The following CNGA1 variants were observed in gnomAD, a reference collection of about 807,000 sequenced individuals.
CNGA1 encodes the protein cyclic nucleotide-gated channel alpha-1.
CNGA1 carries 53 observed loss-of-function variants against 69.7 expected under a neutral mutation model. The ratio of observed to expected loss-of-function variants is 0.76; its 90% CI spans 0.61 to 0.96. CNGA1 has a LOEUF of 0.96. Among genes scored for constraint, CNGA1 ranks in the 40% least tolerant of loss-of-function variants. CNGA1 has a pLI of 0.00. For missense variants in CNGA1, 739 were observed against 811.2 expected, an observed-to-expected ratio of 0.91 and a Z score of 1.08; for synonymous variants, 249 against 283.5, an observed-to-expected ratio of 0.88 and a Z score of 1.22.
chr4:47,954,076 T>A (rs986989027), intron 3 of CNGA1, among the ~76,000 whole-genome samples: 2 of 150,974 alleles, frequency 1.3e-5, no homozygotes, highest in African/African-American at 4.9e-5. Context: ...AGGAACAGAG[T>A]GGCAGAGAAT....
At chr4:47,984,857 T>C (rs896531300) in intron 2 of CNGA1, among the ~76,000 whole-genome samples, 1 of 152,098 alleles carries the variant, frequency 6.6e-6, no homozygotes, top group African/African-American at 2.4e-5. Flanking sequence ...CTTCAGAAAA[T>C]GACTGCCTGT....
chr4:48,010,277 T>G (rs1335593937), intron 2 of CNGA1, among the ~76,000 whole-genome samples: 1 of 152,260 alleles, frequency 6.6e-6, no homozygotes, highest in Non-Finnish European at 1.5e-5. Context: ...AGGGACTATT[T>G]ATTTTTTAAC....
At position 47,937,389 on chromosome 4, in the gene CNGA1, G is replaced by T. The variant is rs867483436; in HGVS notation, c.1093C>A (p.Pro365Thr). 6.2e-7 allele frequency: 1 copy of T among 1,614,170 alleles called. No individual in the cohort carries two copies. The highest frequency in any genetic ancestry group is 8.5e-7 in the Non-Finnish European group (1 of 1,180,032). ...AAGACATACTCAGAATCCCTCACGG[G>T]AGGGGGTGTTTCACCAATGGTAGTC... Reference protein sequence around the residue: ...TLTTIGETPPPVRDSEYVFVV... With the variant: ...TLTTIGETPPTVRDSEYVFVV... Residue 365 changes from proline to threonine, a missense_variant, in exon 11 of 11, where the codon CCC becomes ACC. Transcript: ENST00000514170.
chr4:47,941,930 G>C (rs1739101678), intron 9 of CNGA1, 111 bp downstream of exon 9: 3 of 687,138 alleles, frequency 4.4e-6, no homozygotes. Flanking sequence ...ACCTGCAGTA[G>C]AGAAAGGAGG....
At chr4:47,947,987 A>G (rs1739508580) in intron 6 of CNGA1, among the ~76,000 whole-genome samples, 1 of 152,212 alleles carries the variant, frequency 6.6e-6, no homozygotes, top group African/African-American at 2.4e-5. Flanking sequence ...ACTTGATGGC[A>G]AGTTAACTAA....
chr4:48,012,595 ATT>A (rs1577615325), intron 1 of CNGA1, among the ~76,000 whole-genome samples: 1 of 90,436 alleles, frequency 1.1e-5, no homozygotes, highest in Non-Finnish European at 2.0e-5. Context: ...TTTTTTTAGA[ATT>A]TAGCCACTTC....
intron 10 of CNGA1, among the ~76,000 whole-genome samples, chr4:47,938,734 T>A (rs924530890): frequency 6.6e-6 from 1 of 151,960 alleles, no homozygotes; most frequent in Non-Finnish European, 1.5e-5. Flanking sequence ...TGACCCCAGT[T>A]CCTGAAACAG....
At position 47,936,994 on chromosome 4, in the gene CNGA1, G is replaced by A. The variant is rs746668194; in HGVS notation, c.1488C>T (p.Tyr496=). Residue 496 remains tyrosine (Y), a synonymous_variant, in exon 11 of 11, where the codon TAC becomes TAT. Coordinates refer to ENST00000514170, the MANE Select transcript of CNGA1 (RefSeq NM_001379270.1). The stretch of plus-strand genomic sequence containing the variant: ...TCTTGCAAATATAATCTCCAGGACT[G>A]TAGACTTGGGGTTGCAATTTCAAGA... The part of the protein sequence containing the change: ...ELVLKLQPQV[Y]SPGDYICKKG... The A allele has an allele frequency of 2.8e-5, 45 of 1,613,988 alleles. No homozygotes were observed. The highest frequency in any genetic ancestry group is 8.3e-5 in the Admixed American group (5 of 59,992).
intron 2 of CNGA1, among the ~76,000 whole-genome samples, chr4:48,010,520 T>C (rs1377821601): frequency 6.6e-6 from 1 of 152,116 alleles, no homozygotes; most frequent in Non-Finnish European, 1.5e-5. Context: ...AAGATGGTGG[T>C]GGGTCGCTTC....
chr4:47,978,117 C>T (rs940883058), intron 3 of CNGA1, among the ~76,000 whole-genome samples: 68 of 152,248 alleles, frequency 4.5e-4, no homozygotes, highest in African/African-American at 1.4e-3. Flanking sequence ...TGAGCCACCG[C>T]GCCCAGCCCT....
intron 2 of CNGA1, among the ~76,000 whole-genome samples, chr4:48,002,706 CA>C (rs1454346146): frequency 1.4e-5 from 2 of 139,086 alleles, no homozygotes; most frequent in Non-Finnish European, 3.2e-5. Context: ...AAAACAAAAA[CA>C]AAAAACCCTG....
chr4:47,947,648 C>G (rs1739480860), intron 6 of CNGA1, among the ~76,000 whole-genome samples: 1 of 151,060 alleles, frequency 6.6e-6, no homozygotes, highest in Admixed American at 6.6e-5. Flanking sequence ...CCAGCACAGG[C>G]AACTGAGTGA....
chr4:47,941,938 A>G, intron 9 of CNGA1, 103 bp downstream of exon 9: 1 of 699,684 alleles, frequency 1.4e-6, no homozygotes, highest in Non-Finnish European at 2.5e-6. Flanking sequence ...TAGAGAAAGG[A>G]GGTGTGTCCT....
intron 3 of CNGA1, among the ~76,000 whole-genome samples, chr4:47,978,884 A>G (rs1476077131): frequency 6.6e-6 from 1 of 152,214 alleles, no homozygotes; most frequent in Non-Finnish European, 1.5e-5. Flanking sequence ...CATTTAATCA[A>G]TTACCTTTTT....
At chr4:47,960,539 A>G (rs1365335783) in intron 3 of CNGA1, among the ~76,000 whole-genome samples, 6 of 152,212 alleles carry the variant, frequency 3.9e-5, no homozygotes, top group African/African-American at 1.4e-4. Flanking sequence ...TTTTTGATGC[A>G]TTGGATATCA....
intron 3 of CNGA1, among the ~76,000 whole-genome samples, chr4:47,962,571 T>C (rs944853717): frequency 6.6e-6 from 1 of 152,012 alleles, no homozygotes; most frequent in Non-Finnish European, 1.5e-5. Context: ...TTCCTCAGGT[T>C]CTTACAGATA....
At chr4:47,998,873 C>T (rs1007235845) in intron 2 of CNGA1, among the ~76,000 whole-genome samples, 3 of 152,116 alleles carry the variant, frequency 2.0e-5, no homozygotes, top group Admixed American at 6.5e-5. Flanking sequence ...GATACAGTAC[C>T]CCCTTATTTG....
At chr4:47,977,912 T>C (rs946636532) in intron 3 of CNGA1, among the ~76,000 whole-genome samples, 1 of 152,012 alleles carries the variant, frequency 6.6e-6, no homozygotes, top group African/African-American at 2.4e-5. Flanking sequence ...CTGCAACCTC[T>C]GCCTCCCTGG....
At chr4:48,009,795 G>A (rs188901) in intron 2 of CNGA1, among the ~76,000 whole-genome samples, 123,999 of 152,114 alleles carry the variant, frequency 0.82, 51,055 homozygotes, top group Non-Finnish European at 0.88. Context: ...CAGGAGCGAA[G>A]CTCCATCTCA....
Sources: allele counts gnomAD v4.1 joint callset (sites outside exome capture counted in the v4.1 genomes callset), GRCh38; gene constraint gnomAD v4.1.1; transcripts MANE v1.5; gene names NCBI Gene and HGNC (gene_info 2026-07-23, HGNC 2026-07-21).